The following STAB1 variants were observed in gnomAD, a reference collection of about 807,000 sequenced individuals.
The protein encoded by STAB1 is stabilin-1.
In STAB1, 250 loss-of-function variants were observed where a neutral mutation model predicts 332.4. The ratio of observed to expected loss-of-function variants is 0.75; its 90% confidence interval spans 0.68 to 0.84. The LOEUF (loss-of-function observed/expected upper bound fraction) is 0.84, where lower values mean the gene tolerates loss of function less well. Ranked by LOEUF, STAB1 falls within the 40% of genes least tolerant of loss-of-function variation. The pLI is 0.00. For synonymous variants in STAB1, 1,475 were observed against 1,390.4 expected (o/e 1.06, Z -1.35); for missense variants, 3,249 against 3,489.7 (o/e 0.93, Z 1.74).
rs549830425 is a variant in STAB1 at position 52,517,987 on chromosome 3, G to T, written c.4745G>T (p.Arg1582Leu). Residue 1582 changes from arginine (R) to leucine (L), a missense_variant, in exon 45 of 69, where the codon CGT (arginine) becomes CTT (leucine). Transcript: ENST00000321725. ...ACCGTGGGGGACGGCCTCACCTGCC[G>T]TGCCCGAGTCGGCCTGGTAATGATG... ...AHTVGDGLTCRARVGLELLRD... is the reference protein window; with the variant it reads ...AHTVGDGLTCLARVGLELLRD... 2.9e-5 allele frequency: 47 copies of T among 1,605,262 alleles called. No individual in the cohort carries two copies. The highest frequency in any genetic ancestry group is 3.3e-5 in the Non-Finnish European group (39 of 1,177,544).
At chr3:52,507,494 G>A (rs1578379655) in intron 18 of STAB1, 119 bp from the exon 19 acceptor site, 4 of 1,080,158 alleles carry the variant, frequency 3.7e-6, no homozygotes, top group Non-Finnish European at 5.4e-6. Context: ...CCAGTGCTGG[G>A]CTTCCTGTGG....
rs550999908 is a variant in STAB1 at position 52,512,802 on chromosome 3, C to T, written c.3028-26C>T. ...TGATGGCTGCCTTCCTCGCTCCTCC[C>T]GCCCCTGCTCCCTGTGTGCGTGCAG... On this transcript the variant is annotated intron_variant, in intron 28 of 68. Transcript: ENST00000321725. 17 of 1,605,456 alleles carry T rather than the reference C, an allele frequency of 1.1e-5. No homozygotes were observed. In the African/African-American group the frequency reaches 1.1e-4, roughly 10 times the overall value.
chr3:52,512,580 T>A lies in STAB1; in HGVS notation c.2980-16T>A. On this transcript the variant is annotated splice_polypyrimidine_tract_variant and intron_variant, in intron 27 of 68. Coordinates refer to ENST00000321725, the MANE Select transcript of STAB1 (RefSeq NM_015136.3). The stretch of plus-strand genomic sequence containing the variant: ...TGCCCCTGGTCCTGTGACCTCAGAC[T>A]TTTCCCTTCCCTTAGGAGCTGGAGG... 1 of 1,613,874 alleles carries A rather than the reference T, an allele frequency of 6.2e-7. No homozygotes were observed. Among genetic ancestry groups the A allele is most frequent in the South Asian group, 1.1e-5 (1 of 91,074 alleles).
At position 52,522,408 on chromosome 3, in the gene STAB1, G is replaced by GGCCA; in HGVS notation, c.6544_6545insGCCA (p.Asp2182GlyfsTer19). On this transcript the variant is annotated frameshift_variant, in exon 60 of 69. Coordinates refer to ENST00000321725, the MANE Select transcript of STAB1 (RefSeq NM_015136.3). LOFTEE classifies it high-confidence loss of function. ...TCTGGAGGAGTCGGAACCACCTGTG[G>GGCCA]ACCGCTGCTTGGGCCAGCCACCGCC... 1 of 1,612,964 alleles carries GGCCA rather than the reference G, an allele frequency of 6.2e-7. No individual in the cohort carries two copies. The highest frequency in any genetic ancestry group is 8.5e-7 in the Non-Finnish European group (1 of 1,180,026).
intron 1 of STAB1, among the ~76,000 whole-genome samples, chr3:52,499,707 C>G (rs1052028866): frequency 6.7e-6 from 1 of 150,282 alleles, no homozygotes; most frequent in African/African-American, 2.4e-5. Context: ...AGACCAACCC[C>G]GCTAAAACGG....
In STAB1 at chr3:52,504,530, TCTC is replaced by T. The variant is rs1559677848; in HGVS notation, c.1225_1227del (p.Ser409del). The stretch of plus-strand genomic sequence containing the variant: ...GTGCTGGTGCCATCCGTCTCCTCCT[TCTC>T]CTCCAGGACCATGAATGTAAGCCCC... On this transcript the variant is annotated inframe_deletion, in exon 11 of 69. Transcript: ENST00000321725. 2 of 1,613,952 alleles carry T rather than the reference TCTC, an allele frequency of 1.2e-6. No individual in the cohort carries two copies. Among genetic ancestry groups the T allele is most frequent in the South Asian group, 1.1e-5 (1 of 91,068 alleles).
intron 1 of STAB1, among the ~76,000 whole-genome samples, chr3:52,498,428 T>C (rs757576807): frequency 7.2e-5 from 11 of 151,996 alleles, no homozygotes; most frequent in Non-Finnish European, 1.0e-4. Flanking sequence ...TTCCAGGCCA[T>C]GGGGCGGAGG....
chr3:52,508,166 A>T, intron 20 of STAB1, 107 bp from the exon 21 acceptor site: 1 of 1,360,406 alleles, frequency 7.4e-7, no homozygotes, highest in South Asian at 1.3e-5. Flanking sequence ...TCCCAGAGAA[A>T]CCTTATCCAC....
At chr3:52,514,883 C>CCTAGCTG in intron 35 of STAB1, 54 bp downstream of exon 35, 1 of 1,612,672 alleles carries the variant, frequency 6.2e-7, no homozygotes, top group Non-Finnish European at 8.5e-7. Flanking sequence ...GCTGGGAGGG[C>CCTAGCTG]CTAGCTGACC....
At position 52,513,161 on chromosome 3, in the gene STAB1, G is replaced by T. The variant is rs1438452677; in HGVS notation, c.3190G>T (p.Glu1064Ter). 1.3e-6 allele frequency: 2 copies of T among 1,579,654 alleles called. No individual in the cohort carries two copies. The highest frequency in any genetic ancestry group is 1.7e-6 in the Non-Finnish European group (2 of 1,162,936). Residue 1064 changes from glutamate to a stop codon, truncating the protein, a stop_gained, in exon 30 of 69, where the codon GAG becomes TAG. Coordinates refer to ENST00000321725, the MANE Select transcript of STAB1 (RefSeq NM_015136.3). LOFTEE classifies it high-confidence loss of function. ...TTTTCTCCAGGGTGCCCTCTTCGAG[G>T]AGGAGCTGGCCCGGCTGGGTGGGCA... ...AHFLQGALFE[E>*]ELARLGGQEV...
At chr3:52,507,825 T>G (rs1386862723) in intron 19 of STAB1, 106 bp from the exon 20 acceptor site, 1 of 1,454,756 alleles carries the variant, frequency 6.9e-7, no homozygotes, top group African/African-American at 1.4e-5. Flanking sequence ...GGACCAGGGT[T>G]AGAGTTCTGG....
intron 26 of STAB1, 54 bp downstream of exon 26, chr3:52,511,799 G>T: frequency 2.8e-6 from 4 of 1,403,632 alleles, no homozygotes; most frequent in Non-Finnish European, 3.9e-6. Flanking sequence ...GTGAGCCTGG[G>T]CTGCAGCTCT....
chr3:52,501,348 G>A, intron 2 of STAB1, 46 bp downstream of exon 2: 1 of 1,595,100 alleles, frequency 6.3e-7, no homozygotes, highest in African/African-American at 1.3e-5. Flanking sequence ...GCATCCTGTG[G>A]GGTGGCAGGG....
At position 52,517,325 on chromosome 3, in the gene STAB1, A is replaced by G; in HGVS notation, c.4495A>G (p.Asn1499Asp). The G allele has an allele frequency of 6.3e-7, 1 of 1,579,304 alleles. No individual in the cohort carries two copies. The highest frequency in any genetic ancestry group is 2.2e-5 in the East Asian group (1 of 44,584). ...MGDGELCQEI[N>D]SCLIHHGGCH... ...CCCAGTGTCTCTTCCCCCAGAAATTAACAGCTGTCTCATCCACCACGGGGG... is the reference window on the plus strand; with the variant it reads ...CCCAGTGTCTCTTCCCCCAGAAATTGACAGCTGTCTCATCCACCACGGGGG... The change falls in exon 43 of 69, where the codon AAC (asparagine) becomes GAC (aspartate). Residue 1499 changes from asparagine to aspartate, a missense_variant. Coordinates refer to ENST00000321725, the MANE Select transcript of STAB1 (RefSeq NM_015136.3).
In STAB1 at chr3:52,523,462, C is replaced by T. The variant is rs1199117247; in HGVS notation, c.7176C>T (p.Ser2392=). ...LSGPDLELHA[S]NATLLSANAS... is the part of the protein sequence containing the mutation. ...GCCCAGACTTGGAGCTGCATGCCTC[C>T]AACGCCACCCTCCTAAGTGCCAACG... Residue 2392 remains serine, a synonymous_variant, in exon 65 of 69, where the codon TCC becomes TCT. Transcript: ENST00000321725. 3 of 1,610,440 alleles carry T rather than the reference C, an allele frequency of 1.9e-6. No homozygotes were observed. The highest frequency in any genetic ancestry group is 2.5e-6 in the Non-Finnish European group (3 of 1,178,180).
Position 52,522,669 on chromosome 3 carries a change from A to G in STAB1, c.6725A>G (p.Gln2242Arg). Reference protein sequence around the residue: ...AQGAVLASFPQLSAAQQLGFH... With the variant: ...AQGAVLASFPRLSAAQQLGFH... ...GGAGCCGTCCTTGCTTCATTCCCTC[A>G]GCTCTCTGCTGCCCAGCAGGTGTGT... The change falls in exon 61 of 69, where the codon CAG becomes CGG. Residue 2242 changes from glutamine to arginine, a missense_variant. Coordinates refer to ENST00000321725, the MANE Select transcript of STAB1 (RefSeq NM_015136.3). 1 of 1,612,838 alleles carries G rather than the reference A, an allele frequency of 6.2e-7. No individual in the cohort carries two copies. The highest frequency in any genetic ancestry group is 8.5e-7 in the Non-Finnish European group (1 of 1,180,004).
chr3:52,507,696 C>T, intron 19 of STAB1, 21 bp downstream of exon 19: 1 of 1,613,226 alleles, frequency 6.2e-7, no homozygotes, highest in Non-Finnish European at 8.5e-7. Context: ...CTTGGCCCAG[C>T]TCTCAGGGCC....
Position 52,519,515 on chromosome 3 carries a change from C to T in STAB1, c.5186C>T (p.Thr1729Ile). 1 of 1,613,288 alleles carries T rather than the reference C, an allele frequency of 6.2e-7. No individual in the cohort carries two copies. The highest frequency in any genetic ancestry group is 8.5e-7 in the Non-Finnish European group (1 of 1,180,004). Residue 1729 changes from threonine (T) to isoleucine (I), a missense_variant, in exon 50 of 69, where the codon ACC becomes ATC. By Grantham distance (89) the Thr-to-Ile change is moderately conservative. Transcript: ENST00000321725. The stretch of plus-strand genomic sequence containing the variant: ...AGAGCCTTTCCTCAGAGAAATGTCA[C>T]CGCCGCCGCCCAGGGCTTCGGTTAC... ...DDAPIPRRNV[T>I]AAAQGFGYKI...
At position 52,518,153 on chromosome 3, in the gene STAB1, A is replaced by G. The variant is rs377263913; in HGVS notation, c.4761+150A>G. On this transcript the variant is annotated intron_variant, in intron 45 of 68. Coordinates refer to ENST00000321725, the MANE Select transcript of STAB1 (RefSeq NM_015136.3). ...CCTGATTGTACCTGGGCCTGACCCCAGCTATGACCCATGAAACTAGCCCTG... is the reference window on the plus strand; with the variant it reads ...CCTGATTGTACCTGGGCCTGACCCCGGCTATGACCCATGAAACTAGCCCTG... 29 of 1,485,812 alleles carry G rather than the reference A, an allele frequency of 2.0e-5. No individual in the cohort carries two copies. The African/African-American group carries it at 2.5e-4, about 13-fold the overall frequency. 92.0% of individuals were successfully genotyped at this position (1,485,812 alleles called of 1,614,324 possible). A position where few individuals can be genotyped will look rare whatever the true frequency, so the allele number is the denominator to read the frequency against.
Sources: allele counts gnomAD v4.1 joint callset (sites outside exome capture counted in the v4.1 genomes callset), GRCh38; gene constraint gnomAD v4.1.1; transcripts MANE v1.5; gene names NCBI Gene and HGNC (gene_info 2026-07-23, HGNC 2026-07-21).